The following ACTA2 variants were observed in gnomAD, a reference collection of about 807,000 sequenced individuals.
ACTA2 encodes the protein actin, aortic smooth muscle.
ACTA2 carries 12 observed loss-of-function variants against 39.5 expected under a neutral mutation model. That is an observed-to-expected ratio of 0.30 (90% CI 0.19 to 0.49). The LOEUF (loss-of-function observed/expected upper bound fraction) is 0.49. Among genes scored for constraint, ACTA2 ranks in the 20% least tolerant of loss-of-function variants. ACTA2 has a pLI of 0.99. For missense variants in ACTA2, 236 were observed against 498.8 expected, an observed-to-expected ratio of 0.47 and a Z score of 5.02; for synonymous variants, 158 against 180.6, an observed-to-expected ratio of 0.88 and a Z score of 1.00.
chr10:88,938,345 G>A (rs957832389), intron 7 of ACTA2, 103 bp from the exon 8 acceptor site: 2 of 1,296,230 alleles, frequency 1.5e-6, no homozygotes, highest in Admixed American at 1.7e-5. Context: ...AGTGGACTGA[G>A]GCTGGGAAGA....
chr10:88,966,018 T>TA (rs554272110), intron 1 of ACTA2, among the ~76,000 whole-genome samples: 114 of 152,282 alleles, frequency 7.5e-4, no homozygotes, highest in African/African-American at 2.6e-3. Context: ...GGCAATTTGT[T>TA]AAAATGTATT....
intron 7 of ACTA2, among the ~76,000 whole-genome samples, chr10:88,939,044 A>G (rs915841322): frequency 6.6e-6 from 1 of 152,136 alleles, no homozygotes; most frequent in Non-Finnish European, 1.5e-5. Flanking sequence ...TCCCAAGATC[A>G]AGAGAACTAA....
rs35702314 is a variant in ACTA2 at position 88,946,275 on chromosome 10, C to CTT, written c.258+981_258+982dup. ...TGCCACCACACACTGTTAATTAAAC[C>CTT]TTTTTTTTTTTTTTTTTTTCAGTAG... On this transcript the variant is annotated intron_variant, in intron 3 of 8. Coordinates refer to ENST00000224784, the MANE Select transcript of ACTA2 (RefSeq NM_001613.4). Among the ~76,000 whole-genome samples the CTT allele has an allele frequency of 1.0e-2, 1,166 of 117,000 alleles. 24 individuals carry two copies. Among genetic ancestry groups the CTT allele is most frequent in the African/African-American group, 0.015 (451 of 30,384 alleles). 76.8% of individuals were successfully genotyped at this position (117,000 alleles called of 152,430 possible).
Position 88,990,829 on chromosome 10 carries a change from G to C in ACTA2, c.-24+110C>G, listed in dbSNP as rs1057289230. The stretch of plus-strand genomic sequence containing the variant: ...TCCCGCGGGTTGGTGGACCCGCTCA[G>C]TACGGAGTTGGGGAAGCTCTTTCAC... On this transcript the variant is annotated intron_variant, in intron 1 of 4. Coordinates refer to the ACTA2 transcript ENST00000415557. This position sits in a 1 kb window ranked among gnomAD's most constrained non-coding sequence, Gnocchi z 4.9. The C allele has an allele frequency of 3.7e-6, 6 of 1,614,058 alleles. No individual in the cohort carries two copies. The highest frequency in any genetic ancestry group is 5.1e-6 in the Non-Finnish European group (6 of 1,179,898).
intron 6 of ACTA2, chr10:88,940,941 G>A: frequency 2.6e-6 from 1 of 388,028 alleles, no homozygotes; most frequent in South Asian, 2.1e-5. Context: ...TTCAGTCTCT[G>A]CACAATCTTC....
chr10:88,978,284 G>T (rs1846621761), intron 1 of ACTA2, among the ~76,000 whole-genome samples: 1 of 145,068 alleles, frequency 6.9e-6, no homozygotes, highest in Non-Finnish European at 1.5e-5. Context: ...AGCATCGGGA[G>T]ATATACCTAA....
chr10:88,936,435 G>T (rs1845740018), intron 8 of ACTA2, among the ~76,000 whole-genome samples: 1 of 152,188 alleles, frequency 6.6e-6, no homozygotes, highest in South Asian at 2.1e-4. Context: ...GGTGGGGCCT[G>T]GTAGGAGGTG....
intron 1 of ACTA2, chr10:88,973,710 C>A (rs1846499704): frequency 6.4e-6 from 1 of 156,688 alleles, no homozygotes; most frequent in Non-Finnish European, 1.4e-5. Flanking sequence ...GAACCAAAGC[C>A]TTTTCCAAAA....
rs769623133 is a variant in ACTA2, at chr10:88,935,083, G to A, written c.*140C>T. The A allele has an allele frequency of 8.1e-7, 1 of 1,228,958 alleles. No individual in the cohort carries two copies. Among genetic ancestry groups the A allele is most frequent in the Non-Finnish European group, 1.2e-6 (1 of 862,698 alleles). 76.1% of individuals were successfully genotyped at this position (1,228,958 alleles called of 1,614,324 possible). A position where few individuals can be genotyped will look rare whatever the true frequency, so the allele number is the denominator to read the frequency against. On this transcript the variant is annotated 3_prime_UTR_variant, in exon 9 of 9. Transcript: ENST00000224784. ...AGGCCAACGCAAGAAGTTACCAGTA[G>A]CCTATTTCAGATTTATTAAAAAACA...
chr10:88,940,689 A>G (rs779486613), intron 6 of ACTA2: 8 of 192,516 alleles, frequency 4.2e-5, no homozygotes, highest in African/African-American at 9.2e-5. Flanking sequence ...TTAGCTATTA[A>G]TAAGTATCAC....
At chr10:88,983,566 C>A (rs80178021) in intron 1 of ACTA2, among the ~76,000 whole-genome samples, 3,280 of 120,994 alleles carry the variant, frequency 0.027, 53 homozygotes, top group Non-Finnish European at 0.039. Context: ...ACAGGACCTA[C>A]TTTACAGGGA....
chr10:88,961,089 T>G (rs1473665371), intron 1 of ACTA2, among the ~76,000 whole-genome samples: 2 of 152,122 alleles, frequency 1.3e-5, no homozygotes, highest in Non-Finnish European at 2.9e-5. Context: ...GTGAGGACTA[T>G]GGGGAGACAC....
intron 1 of ACTA2, among the ~76,000 whole-genome samples, chr10:88,982,057 T>C (rs185263319): frequency 6.6e-6 from 1 of 152,328 alleles, no homozygotes; most frequent in Admixed American, 6.5e-5. Context: ...GATTAACTGG[T>C]ATGTGTTAGT....
chr10:88,988,406 A>C (rs1846973404), intron 1 of ACTA2, among the ~76,000 whole-genome samples: 1 of 137,070 alleles, frequency 7.3e-6, no homozygotes, highest in Admixed American at 7.9e-5. Flanking sequence ...AGTGGTAAAA[A>C]GATGTAGAAG....
Position 88,940,979 on chromosome 10 carries a change from A to T in ACTA2, c.616+250T>A, listed in dbSNP as rs1218770676. 3 of 456,574 alleles carry T rather than the reference A, an allele frequency of 6.6e-6. No individual in the cohort carries two copies. The East Asian group carries it at 1.4e-4, about 21-fold the overall frequency. 28.3% of individuals were successfully genotyped at this position (456,574 alleles called of 1,614,324 possible). A position where few individuals can be genotyped will look rare whatever the true frequency, so the allele number is the denominator to read the frequency against. ...CTATTTGCTAATGGAGGGGATTAAAAAAAGATCAATTATACAACACTGACT... is the reference window on the plus strand; with the variant it reads ...CTATTTGCTAATGGAGGGGATTAAATAAAGATCAATTATACAACACTGACT... On this transcript the variant is annotated intron_variant, in intron 6 of 8. Coordinates refer to ENST00000224784, the MANE Select transcript of ACTA2 (RefSeq NM_001613.4).
intron 1 of ACTA2, among the ~76,000 whole-genome samples, chr10:88,987,378 G>T (rs1175137090): frequency 6.6e-6 from 1 of 152,204 alleles, no homozygotes; most frequent in Admixed American, 6.5e-5. Context: ...AATTTGTAGA[G>T]TTGGGTAACT....
intron 1 of ACTA2, among the ~76,000 whole-genome samples, chr10:88,966,383 T>A (rs899385043): frequency 6.6e-6 from 1 of 152,198 alleles, no homozygotes; most frequent in Non-Finnish European, 1.5e-5. Context: ...CTGCCTCTGA[T>A]TGTCTGTGTG....
At chr10:88,989,674 A>G in intron 1 of ACTA2, 1 of 452,402 alleles carries the variant, frequency 2.2e-6, no homozygotes, top group Non-Finnish European at 4.4e-6. Flanking sequence ...GCTCCAGAAG[A>G]AAATGTCAAC....
chr10:88,959,524 G>C (rs1172581095), intron 1 of ACTA2, among the ~76,000 whole-genome samples: 1 of 152,178 alleles, frequency 6.6e-6, no homozygotes, highest in Non-Finnish European at 1.5e-5. Flanking sequence ...GAAGACCTTA[G>C]AGTCAATTTT....
Sources: allele counts gnomAD v4.1 joint callset (sites outside exome capture counted in the v4.1 genomes callset), GRCh38; gene constraint gnomAD v4.1.1; non-coding constraint Gnocchi (gnomAD v3.1); transcripts MANE v1.5; gene names NCBI Gene and HGNC (gene_info 2026-07-23, HGNC 2026-07-21).